ANKRD36: variants seen among roughly 807,000 people sequenced by gnomAD.
ANKRD36 encodes the protein ankyrin repeat domain-containing protein 36A.
Under a neutral mutation model 278.1 loss-of-function variants are expected in ANKRD36, and 179 were observed. The ratio of observed to expected loss-of-function variants is 0.64; its 90% CI spans 0.57 to 0.73. The LOEUF (loss-of-function observed/expected upper bound fraction) is 0.73. Among genes scored for constraint, ANKRD36 ranks in the 30% least tolerant of loss-of-function variants. The pLI is 0.00. For missense variants in ANKRD36, 1,159 were observed against 1,956.7 expected (o/e 0.59, Z 7.69); for synonymous variants, 320 against 641.1 (o/e 0.50, Z 7.57).
chr2:97,154,580 T>C, intron 14 of ANKRD36, 95 bp from the exon 15 acceptor site: 2 of 1,031,046 alleles, frequency 1.9e-6, no homozygotes, highest in South Asian at 1.4e-5. Flanking sequence ...TTTTACCATT[T>C]TTTTTGGAGG....
chr2:97,200,355 C>G lies in ANKRD36; in HGVS notation c.2777C>G (p.Ser926Cys), dbSNP rs774956650. 9 of 1,606,228 alleles carry G rather than the reference C, an allele frequency of 5.6e-6. No homozygotes were observed. Among genetic ancestry groups the G allele is most frequent in the Non-Finnish European group, 7.6e-6 (9 of 1,178,694 alleles). ...TKRVSSRKKP[S>C]LEATSDEKDS... The stretch of plus-strand genomic sequence containing the variant: ...TCAGTGTCTTCTCGGAAAAAACCAT[C>G]CTTGGAGGTAATGAAACTCTCATTC... Residue 926 changes from serine (S) to cysteine (C), a missense_variant, in exon 45 of 76, where the codon TCC becomes TGC. Coordinates refer to ENST00000420699, the MANE Select transcript of ANKRD36 (RefSeq NM_001354587.1).
At position 97,144,599 on chromosome 2, in the gene ANKRD36, A is replaced by G. The variant is rs1209925890; in HGVS notation, c.931-41A>G. The G allele has an allele frequency of 8.3e-6, 13 of 1,563,512 alleles. No homozygotes were observed. In the South Asian group the frequency reaches 1.4e-4, roughly 17 times the overall value. ...TAATTAACTGTATAGTCTATGGAAT[A>G]TACTGTAGGTATTGATTATTTTGTT... On this transcript the variant is annotated intron_variant, in intron 9 of 75. Coordinates refer to ENST00000420699, the MANE Select transcript of ANKRD36 (RefSeq NM_001354587.1).
intron 54 of ANKRD36, 80 bp downstream of exon 54, chr2:97,208,086 G>C (rs2063363310): frequency 1.5e-6 from 2 of 1,314,312 alleles, no homozygotes; most frequent in Non-Finnish European, 2.1e-6. Context: ...TCAGCGGGGG[G>C]CTCGTTGAAG....
chr2:97,151,467 A>G (rs2045948215), intron 12 of ANKRD36, among the ~76,000 whole-genome samples: 1 of 152,300 alleles, frequency 6.6e-6, no homozygotes, highest in Admixed American at 6.5e-5. Flanking sequence ...ATTTTTTCCC[A>G]CAGAAAGTAA....
chr2:97,188,687 G>A (rs1198527296), intron 32 of ANKRD36, among the ~76,000 whole-genome samples: 1 of 90,480 alleles, frequency 1.1e-5, no homozygotes, highest in African/African-American at 2.6e-5. Flanking sequence ...TAGTACAATG[G>A]TGTAAATCCT....
chr2:97,195,603 A>C (rs56807297), intron 40 of ANKRD36, among the ~76,000 whole-genome samples: 25,299 of 149,802 alleles, frequency 0.17, 1,901 homozygotes, highest in African/African-American at 0.35. Context: ...AGAGATACAT[A>C]TTTTGTTGAT....
chr2:97,185,083 T>C (rs1187522488), intron 28 of ANKRD36, among the ~76,000 whole-genome samples: 1 of 151,754 alleles, frequency 6.6e-6, no homozygotes, highest in Non-Finnish European at 1.5e-5. Context: ...TCATTTTAGT[T>C]TTAGACATAT....
intron 67 of ANKRD36, among the ~76,000 whole-genome samples, chr2:97,232,955 A>G (rs1455715019): frequency 6.6e-6 from 1 of 151,738 alleles, no homozygotes; most frequent in African/African-American, 2.4e-5. Context: ...TAGTGATTCA[A>G]AAAGCCTTTT....
chr2:97,210,479 G>A (rs1482145452), intron 56 of ANKRD36, among the ~76,000 whole-genome samples: 3 of 151,854 alleles, frequency 2.0e-5, no homozygotes, highest in Non-Finnish European at 4.4e-5. Flanking sequence ...ACTGGAAGCA[G>A]GAAACAATGG....
At position 97,200,360 on chromosome 2, in the gene ANKRD36, G is replaced by C; in HGVS notation, c.2782G>C (p.Glu928Gln). The C allele has an allele frequency of 6.2e-7, 1 of 1,605,974 alleles. No individual in the cohort carries two copies. Among genetic ancestry groups the C allele is most frequent in the Non-Finnish European group, 8.5e-7 (1 of 1,178,592 alleles). ...RVSSRKKPSL[E>Q]ATSDEKDSFS... The stretch of plus-strand genomic sequence containing the variant: ...GTCTTCTCGGAAAAAACCATCCTTG[G>C]AGGTAATGAAACTCTCATTCATATT... Residue 928 changes from glutamate to glutamine, a missense_variant and splice_region_variant, in exon 45 of 76, where the codon GAG becomes CAG. Transcript: ENST00000420699.
intron 58 of ANKRD36, chr2:97,212,905 G>A (rs1253833348): frequency 4.2e-6 from 1 of 239,608 alleles, no homozygotes; most frequent in African/African-American, 2.3e-5. Context: ...ATCAATTTAG[G>A]ACACTTCCAC....
intron 16 of ANKRD36, 93 bp downstream of exon 16, chr2:97,158,260 C>T: frequency 7.4e-7 from 1 of 1,344,612 alleles, no homozygotes; most frequent in Non-Finnish European, 1.0e-6. Flanking sequence ...GAGTGTTACT[C>T]ACTGTTGCCC....
At chr2:97,178,581 A>G (rs1215827437) in intron 22 of ANKRD36, among the ~76,000 whole-genome samples, 1 of 151,068 alleles carries the variant, frequency 6.6e-6, no homozygotes, top group Non-Finnish European at 1.5e-5. Flanking sequence ...CGCAAAAACA[A>G]AAAACCAAAC....
At position 97,151,979 on chromosome 2, in the gene ANKRD36, T is replaced by C; in HGVS notation, c.1162+40T>C. On this transcript the variant is annotated intron_variant, in intron 13 of 75. Transcript: ENST00000420699. ...GGCTGCCTATTGTAGTATTTACTGA[T>C]TCTTCATTTGTTTTTTTTTTTTCTT... 2.2e-6 allele frequency: 3 copies of C among 1,372,624 alleles called. 1 individual carries two copies. The Middle Eastern group carries it at 5.3e-4, about 244-fold the overall frequency. The allele number at this position is 1,372,624 out of a possible 1,614,324, so 85.0% of individuals were successfully genotyped here.
chr2:97,176,362 C>T (rs879542328), intron 22 of ANKRD36, among the ~76,000 whole-genome samples: 121 of 144,222 alleles, frequency 8.4e-4, no homozygotes, highest in African/African-American at 1.5e-3. Context: ...TGAATTGATC[C>T]CTTTACCATT....
chr2:97,195,407 C>G (rs1049205593), intron 40 of ANKRD36, among the ~76,000 whole-genome samples: 1 of 151,928 alleles, frequency 6.6e-6, no homozygotes, highest in Admixed American at 6.6e-5. Context: ...AAGAGGAAGT[C>G]ATTTATATAA....
chr2:97,191,443 G>A (rs1257759020), intron 36 of ANKRD36, among the ~76,000 whole-genome samples: 5 of 151,622 alleles, frequency 3.3e-5, no homozygotes, highest in Admixed American at 6.6e-5. Context: ...GGGGCTCTGG[G>A]GAACAGCATA....
chr2:97,113,475 G>A lies in ANKRD36; in HGVS notation c.-265G>A, dbSNP rs1574428541. 2.0e-6 allele frequency: 1 copy of A among 504,146 alleles called. No homozygotes were observed. The highest frequency in any genetic ancestry group is 3.4e-6 in the Non-Finnish European group (1 of 290,266). The allele number at this position is 504,146 out of a possible 1,614,324, so 31.2% of individuals were successfully genotyped here. The stretch of plus-strand genomic sequence containing the variant: ...AGCCCCGCCCTCCCGCGGCACCTCC[G>A]CAGCAACCGCCGCCTGCACTGGGCG... On this transcript the variant is annotated 5_prime_UTR_variant, in exon 1 of 76. Transcript: ENST00000420699.
At chr2:97,150,151 C>T (rs978328669) in intron 12 of ANKRD36, among the ~76,000 whole-genome samples, 1 of 151,830 alleles carries the variant, frequency 6.6e-6, no homozygotes, top group African/African-American at 2.4e-5. Flanking sequence ...TTAGAGTATA[C>T]TTTAAACTCT....
Sources: gnomAD v4.1 joint callset for allele counts (sites outside exome capture counted in the v4.1 genomes callset) on GRCh38, gnomAD v4.1.1 for gene constraint, MANE v1.5 for transcripts, NCBI Gene and HGNC (gene_info 2026-07-23, HGNC 2026-07-21) for gene names.